Variants in FAM185A observed in about 807,000 individuals in gnomAD.
FAM185A encodes protein FAM185A.
A neutral mutation model predicts 45.7 loss-of-function variants in FAM185A; 21 were observed. That is an observed-to-expected ratio of 0.46 (90% confidence interval 0.33 to 0.66). The LOEUF (loss-of-function observed/expected upper bound fraction) is 0.66. Among genes scored for constraint, FAM185A ranks in the 30% least tolerant of loss-of-function variants. FAM185A has a pLI of 0.03. For missense variants in FAM185A, 305 were observed against 485.4 expected (o/e 0.63, Z 3.49); for synonymous variants, 117 against 194.0 (o/e 0.60, Z 3.30).
At chr7:102,752,194 T>C (rs1344220822) in intron 2 of FAM185A, among the ~76,000 whole-genome samples, 2 of 152,216 alleles carry the variant, frequency 1.3e-5, no homozygotes, top group East Asian at 1.9e-4. Context: ...ATTTTTAATG[T>C]ACCAGGTAGC....
the FAM185A span, among the ~76,000 whole-genome samples, chr7:102,838,078 T>C: frequency 6.6e-6 from 1 of 152,196 alleles, no homozygotes; most frequent in Non-Finnish European, 1.5e-5. Flanking sequence ...CCAGTCCTTC[T>C]TCTCACTCGG....
the FAM185A span, among the ~76,000 whole-genome samples, chr7:102,842,272 G>A: frequency 6.6e-6 from 1 of 152,190 alleles, no homozygotes; most frequent in African/African-American, 2.4e-5. Context: ...TGTAACCCTA[G>A]AGAAGAGGTG....
At chr7:102,759,654 A>G (rs1256262808) in intron 3 of FAM185A, among the ~76,000 whole-genome samples, 1 of 152,128 alleles carries the variant, frequency 6.6e-6, no homozygotes, top group Non-Finnish European at 1.5e-5. Context: ...TGGCTCCACC[A>G]TTCACTAAGC....
chr7:102,751,395 T>C (rs533642875), intron 1 of FAM185A, among the ~76,000 whole-genome samples: 12 of 152,246 alleles, frequency 7.9e-5, no homozygotes, highest in African/African-American at 2.9e-4. Context: ...AAGAGGCTTC[T>C]ACAGTCTTTC....
chr7:102,826,683 C>T, the FAM185A span, among the ~76,000 whole-genome samples: 2 of 131,988 alleles, frequency 1.5e-5, no homozygotes, highest in African/African-American at 5.6e-5. Flanking sequence ...TGTGACTGCA[C>T]CACTATACTA....
the FAM185A span, among the ~76,000 whole-genome samples, chr7:102,836,929 A>G: frequency 6.6e-6 from 1 of 152,238 alleles, no homozygotes; most frequent in Non-Finnish European, 1.5e-5. Context: ...ATTAGGTCCC[A>G]ATTAATTCTA....
the FAM185A span, among the ~76,000 whole-genome samples, chr7:102,832,433 C>G: frequency 6.6e-6 from 1 of 152,168 alleles, no homozygotes; most frequent in African/African-American, 2.4e-5. Flanking sequence ...CTGGTATAAA[C>G]TGTAACCCCA....
chr7:102,750,968 C>T (rs1326059639), intron 1 of FAM185A, among the ~76,000 whole-genome samples: 2 of 152,138 alleles, frequency 1.3e-5, no homozygotes, highest in East Asian at 3.8e-4. Context: ...GGCTGGAGTA[C>T]AGGTGCACAA....
At chr7:102,793,335 C>T (rs1237898467) in intron 7 of FAM185A, among the ~76,000 whole-genome samples, 1 of 152,074 alleles carries the variant, frequency 6.6e-6, no homozygotes, top group Non-Finnish European at 1.5e-5. Flanking sequence ...CCTCAGCCTC[C>T]TGAGTAGCTG....
At chr7:102,817,375 T>G in the FAM185A span, among the ~76,000 whole-genome samples, 1 of 152,240 alleles carries the variant, frequency 6.6e-6, no homozygotes, top group Non-Finnish European at 1.5e-5. Context: ...TGAGCATTTT[T>G]TCATATTTTT....
intron 7 of FAM185A, among the ~76,000 whole-genome samples, chr7:102,788,701 G>C (rs1201183858): frequency 6.6e-6 from 1 of 152,150 alleles, no homozygotes; most frequent in Non-Finnish European, 1.5e-5. Context: ...TGTGTTATTA[G>C]GCAATTTTGT....
the FAM185A span, among the ~76,000 whole-genome samples, chr7:102,846,019 T>G: frequency 3.3e-5 from 5 of 152,188 alleles, no homozygotes. Flanking sequence ...AACCTCCAGT[T>G]TGTAAAATGG....
At chr7:102,789,664 G>A (rs1178098740) in intron 7 of FAM185A, among the ~76,000 whole-genome samples, 2 of 152,274 alleles carry the variant, frequency 1.3e-5, no homozygotes, top group African/African-American at 2.4e-5. Flanking sequence ...AGCCAAGATC[G>A]CGCCACTGCC....
intron 6 of FAM185A, among the ~76,000 whole-genome samples, chr7:102,778,521 C>T (rs113278760): frequency 8.5e-5 from 13 of 152,166 alleles, no homozygotes; most frequent in South Asian, 4.1e-4. Context: ...ATGTTTTGCA[C>T]AGTAGGCAAA....
intron 7 of FAM185A, among the ~76,000 whole-genome samples, chr7:102,796,372 C>T (rs1264896684): frequency 1.3e-5 from 2 of 152,232 alleles, no homozygotes; most frequent in Non-Finnish European, 2.9e-5. Flanking sequence ...TGGGCAGCTT[C>T]CAGCTGCATG....
At chr7:102,752,073 TTAC>T (rs1793397032) in intron 2 of FAM185A, among the ~76,000 whole-genome samples, 1 of 151,994 alleles carries the variant, frequency 6.6e-6, no homozygotes, top group Non-Finnish European at 1.5e-5. Context: ...TTCTGAAATC[TTAC>T]TAAAGAAATT....
At chr7:102,766,165 G>A (rs532489882) in intron 4 of FAM185A, among the ~76,000 whole-genome samples, 9 of 152,364 alleles carry the variant, frequency 5.9e-5, no homozygotes, top group African/African-American at 9.6e-5. Flanking sequence ...AAACTGATTC[G>A]ATTAAGATGT....
At chr7:102,797,893 G>A (rs1193044760) in intron 7 of FAM185A, among the ~76,000 whole-genome samples, 1 of 152,168 alleles carries the variant, frequency 6.6e-6, no homozygotes, top group Non-Finnish European at 1.5e-5. Context: ...GAGGGAGGCA[G>A]GAAAAAGCTC....
At chr7:102,814,608 T>C in the FAM185A span, among the ~76,000 whole-genome samples, 1 of 152,230 alleles carries the variant, frequency 6.6e-6, no homozygotes, top group Non-Finnish European at 1.5e-5. Flanking sequence ...GCTTTTTAGC[T>C]TATTATTGGC....
Sources: gnomAD v4.1 joint callset for allele counts (sites outside exome capture counted in the v4.1 genomes callset) on GRCh38, gnomAD v4.1.1 for gene constraint, MANE v1.5 for transcripts, NCBI Gene and HGNC (gene_info 2026-07-23, HGNC 2026-07-21) for gene names.